Variants in DLL1 observed in about 807,000 individuals in gnomAD.
DLL1 encodes delta like canonical Notch ligand 1.
A neutral mutation model predicts 75.1 loss-of-function variants in DLL1; 9 were observed. The ratio of observed to expected loss-of-function variants is 0.12; its 90% CI spans 0.07 to 0.21. DLL1 has a LOEUF of 0.21. DLL1 is among the 10% of genes least tolerant of loss of function. DLL1 has a pLI of 1.00. For synonymous variants in DLL1, 477 were observed against 418.3 expected (o/e 1.14, Z -1.71); for missense variants, 837 against 1,007.6 (o/e 0.83, Z 2.29).
intron 5 of DLL1, 103 bp downstream of exon 5, chr6:170,286,135 A>G: frequency 1.4e-6 from 2 of 1,399,678 alleles, no homozygotes; most frequent in Non-Finnish European, 2.0e-6. Flanking sequence ...ATCTTACTGG[A>G]GTTTTTCGAA....
Position 170,289,590 on chromosome 6 carries a change from G to A in DLL1, c.273C>T (p.Ser91=). ...SAVTPVLGVD[S]FSLPDGGGAD... is the part of the protein sequence containing the mutation. Reference sequence around the variant, plus strand: ...CGCCCCCGCCGTCGGGCAGACTGAAGGAGTCGACGCCCAGCACGGGGGTGA... The same window carrying A: ...CGCCCCCGCCGTCGGGCAGACTGAAAGAGTCGACGCCCAGCACGGGGGTGA... Residue 91 remains serine, a synonymous_variant, in exon 2 of 11, where the codon TCC becomes TCT. Transcript: ENST00000366756. 2 of 1,535,728 alleles carry A rather than the reference G, an allele frequency of 1.3e-6. No homozygotes were observed. The highest frequency in any genetic ancestry group is 1.2e-5 in the South Asian group (1 of 84,038).
intron 4 of DLL1, 22 bp from the exon 5 acceptor site, chr6:170,286,320 G>A: frequency 6.2e-7 from 1 of 1,614,124 alleles, no homozygotes; most frequent in Admixed American, 1.7e-5. Flanking sequence ...GGAAAAACAG[G>A]GTCAAGCCCC....
chr6:170,288,887 G>T lies in DLL1; in HGVS notation c.352-98C>A. On this transcript the variant is annotated intron_variant, in intron 2 of 10. Transcript: ENST00000366756. Reference sequence around the variant, plus strand: ...CCTAACAGCCAGGTCAGCAACAGAGGCCTGAAGGCTGCAGGTCTGGGGCAG... The same window carrying T: ...CCTAACAGCCAGGTCAGCAACAGAGTCCTGAAGGCTGCAGGTCTGGGGCAG... 5.9e-6 allele frequency: 8 copies of T among 1,358,356 alleles called. No individual in the cohort carries two copies. In the South Asian group the frequency reaches 7.0e-5, roughly 12 times the overall value. 84.1% of individuals were successfully genotyped at this position (1,358,356 alleles called of 1,614,324 possible).
chr6:170,284,059 T>A (rs1192165343), intron 8 of DLL1, 30 bp from the exon 9 acceptor site: 12 of 1,542,308 alleles, frequency 7.8e-6, no homozygotes, highest in Non-Finnish European at 8.7e-6. Context: ...ACATCACGTG[T>A]CTCCTCGTAG....
At position 170,283,709 on chromosome 6, in the gene DLL1, G is replaced by T. The variant is rs553876460; in HGVS notation, c.1570C>A (p.Pro524Thr). The change falls in exon 9 of 11, where the codon CCC becomes ACC. Residue 524 changes from proline to threonine, a missense_variant. This residue lies in a region of DLL1 where 533 missense variants were observed against 545.7 expected (regional missense o/e 0.98). Transcript: ENST00000366756. ...PNCQFLLPEL[P>T]PGPAVVDLTE... Reference sequence around the variant, plus strand: ...AGGTCCACCACCGCTGGGCCCGGGGGCAGCTCGGGGAGCAGGAACTGGCAG... The same window carrying T: ...AGGTCCACCACCGCTGGGCCCGGGGTCAGCTCGGGGAGCAGGAACTGGCAG... The T allele has an allele frequency of 6.4e-7, 1 of 1,551,618 alleles. No homozygotes were observed. Among genetic ancestry groups the T allele is most frequent in the Non-Finnish European group, 8.7e-7 (1 of 1,148,248 alleles).
Position 170,283,015 on chromosome 6 carries a change from C to T in DLL1, c.2139G>A (p.Glu713=). 1 of 1,614,166 alleles carries T rather than the reference C, an allele frequency of 6.2e-7. No individual in the cohort carries two copies. The highest frequency in any genetic ancestry group is 8.5e-7 in the Non-Finnish European group (1 of 1,180,040). The change falls in exon 10 of 11, where the codon GAG becomes GAA. Residue 713 remains glutamate, a synonymous_variant. Transcript: ENST00000366756. ...CAGTTGCTATGACGCACTCATCCTT[C>T]TCCTCGGATATGACGTACACCGACT... ...KYQSVYVISE[E]KDECVIATEV
chr6:170,283,840 G>A lies in DLL1; in HGVS notation c.1439C>T (p.Ala480Val). ...TGCGTGCTCGCACCTGCTGACGGGG[G>A]CACTGCAGTTCCTGCCCGTGTAGCC... The part of the protein sequence containing the change: ...PPGYTGRNCS[A>V]PVSRCEHAPC... The change falls in exon 9 of 11, where the codon GCC becomes GTC. Residue 480 changes from alanine to valine, a missense_variant. This residue lies in a region of DLL1 where 533 missense variants were observed against 545.7 expected (regional missense o/e 0.98). Transcript: ENST00000366756. 2.5e-6 allele frequency: 4 copies of A among 1,603,804 alleles called. No individual in the cohort carries two copies. The highest frequency in any genetic ancestry group is 1.7e-5 in the Admixed American group (1 of 59,700).
At position 170,285,420 on chromosome 6, in the gene DLL1, A is replaced by G; in HGVS notation, c.866T>C (p.Leu289Pro). Residue 289 changes from leucine (L) to proline (P), a missense_variant, in exon 7 of 11, where the codon CTG becomes CCG. Around this residue, in one of 2 missense-constraint regions of DLL1, gnomAD observed 304 missense variants for 461.9 expected, o/e 0.66. Transcript: ENST00000366756. ...GGGCTTATGGTGTGTGCAGTAGTTCAGGTCTGTGAAGGGTGGGGACAGGAA... is the reference window on the plus strand; with the variant it reads ...GGGCTTATGGTGTGTGCAGTAGTTCGGGTCTGTGAAGGGTGGGGACAGGAA... Reference protein sequence around the residue: ...GWGGLFCNQDLNYCTHHKPCK... With the variant: ...GWGGLFCNQDPNYCTHHKPCK... 1 of 1,614,202 alleles carries G rather than the reference A, an allele frequency of 6.2e-7. No individual in the cohort carries two copies. Among genetic ancestry groups the G allele is most frequent in the Non-Finnish European group, 8.5e-7 (1 of 1,180,032 alleles).
rs1027222887 is a variant in DLL1, at chr6:170,289,995, C to T, written c.54+91G>A. ...GGGCCGTGGCTGGCGCGGCCCGTGC[C>T]GCTGTCCGCCCCTCCCCGCGCGCTC... On this transcript the variant is annotated intron_variant, in intron 1 of 10. Transcript: ENST00000366756. The T allele has an allele frequency of 2.2e-6, 3 of 1,350,086 alleles. No individual in the cohort carries two copies. The African/African-American group carries it at 4.7e-5, about 21-fold the overall frequency. 83.6% of individuals were successfully genotyped at this position (1,350,086 alleles called of 1,614,324 possible).
chr6:170,288,450 C>A lies in DLL1; in HGVS notation c.459G>T (p.Leu153=), dbSNP rs752040151. Reference sequence around the variant, plus strand: ...CCTGGGACCACTCCTCGCCCACCGTCAGGTGCCTCTGGGTGGCCAGGCGGC... The same window carrying A: ...CCTGGGACCACTCCTCGCCCACCGTAAGGTGCCTCTGGGTGGCCAGGCGGC... ...LISRLATQRH[L]TVGEEWSQDL... is the part of the protein sequence containing the mutation. The change falls in exon 4 of 11, where the codon CTG becomes CTT. Residue 153 remains leucine, a synonymous_variant. Coordinates refer to ENST00000366756, the MANE Select transcript of DLL1 (RefSeq NM_005618.4). 2 of 1,614,118 alleles carry A rather than the reference C, an allele frequency of 1.2e-6. No individual in the cohort carries two copies. Among genetic ancestry groups the A allele is most frequent in the Non-Finnish European group, 1.7e-6 (2 of 1,180,052 alleles).
rs772354619 is a variant in DLL1 at position 170,289,344 on chromosome 6, G to C, written c.351+168C>G. On this transcript the variant is annotated intron_variant, in intron 2 of 10. Transcript: ENST00000366756. ...CGGGGCCCCGGGGCGAGGTGTCCGCGCTGCTGGGCTGGAGTCCTGGGGCCG... is the reference window on the plus strand; with the variant it reads ...CGGGGCCCCGGGGCGAGGTGTCCGCCCTGCTGGGCTGGAGTCCTGGGGCCG... 1.9e-5 allele frequency: 22 copies of C among 1,143,850 alleles called. No homozygotes were observed. The South Asian group carries it at 3.1e-4, about 16-fold the overall frequency. 70.9% of individuals were successfully genotyped at this position (1,143,850 alleles called of 1,614,324 possible). A position where few individuals can be genotyped will look rare whatever the true frequency, so the allele number is the denominator to read the frequency against.
At chr6:170,286,092 A>G (rs1231397824) in intron 5 of DLL1, 146 bp downstream of exon 5, 47 of 946,978 alleles carry the variant, frequency 5.0e-5, no homozygotes, top group South Asian at 1.4e-5. Context: ...TTGATTAAGT[A>G]GAAACATGAG....
At position 170,282,600 on chromosome 6, in the gene DLL1, T is replaced by G. The variant is rs1157261864; in HGVS notation, c.*274A>C. On this transcript the variant is annotated 3_prime_UTR_variant, in exon 11 of 11. Coordinates refer to ENST00000366756, the MANE Select transcript of DLL1 (RefSeq NM_005618.4). ...GGCAGTGCATGCTTCTTATGCGTAA[T>G]TCAGTTCACCCATTTAAATATATAT... The G allele has an allele frequency of 1.7e-6, 1 of 595,878 alleles. No individual in the cohort carries two copies. Among genetic ancestry groups the G allele is most frequent in the African/African-American group, 1.9e-5 (1 of 53,762 alleles). The allele number at this position is 595,878 out of a possible 1,614,324, so 36.9% of individuals were successfully genotyped here. A position where few individuals can be genotyped will look rare whatever the true frequency, so the allele number is the denominator to read the frequency against.
At position 170,284,885 on chromosome 6, in the gene DLL1, C is replaced by T. The variant is rs200630821; in HGVS notation, c.1249+34G>A. ...GCCACCTCAGTATTGACCGCTCGCC[C>T]GAGTCTCTGAGCAATCACCAGCTGC... On this transcript the variant is annotated intron_variant, in intron 8 of 10. Coordinates refer to ENST00000366756, the MANE Select transcript of DLL1 (RefSeq NM_005618.4). 29 of 1,605,286 alleles carry T rather than the reference C, an allele frequency of 1.8e-5. No individual in the cohort carries two copies. The Middle Eastern group carries it at 5.9e-4, about 33-fold the overall frequency.
chr6:170,290,143 G>A lies in DLL1; in HGVS notation c.-4C>T, dbSNP rs1275050695. 1.3e-6 allele frequency: 2 copies of A among 1,593,432 alleles called. No homozygotes were observed. The highest frequency in any genetic ancestry group is 1.7e-6 in the Non-Finnish European group (2 of 1,177,728). The stretch of plus-strand genomic sequence containing the variant: ...CCAGCGCGCACCGACTGCCCATGCT[G>A]CTTCGCTCCACGCGCGAGCCTGGGG... On this transcript the variant is annotated 5_prime_UTR_variant, in exon 1 of 11. Transcript: ENST00000366756. This position sits in a 1 kb window ranked among gnomAD's most constrained non-coding sequence, Gnocchi z 4.7.
chr6:170,283,423 G>A lies in DLL1; in HGVS notation c.1856C>T (p.Ala619Val), dbSNP rs147352089. 224 of 1,611,208 alleles carry A rather than the reference G, an allele frequency of 1.4e-4. 1 individual carries two copies. Among genetic ancestry groups the A allele is most frequent in the African/African-American group, 1.3e-3 (94 of 75,064 alleles). The change falls in exon 9 of 11, where the codon GCG becomes GTG. Residue 619 changes from alanine to valine, a missense_variant. Ala to Val is a moderately conservative substitution (Grantham distance 64, BLOSUM62 0). Around this residue, in one of 2 missense-constraint regions of DLL1, gnomAD observed 533 missense variants for 545.7 expected, o/e 0.98. Coordinates refer to ENST00000366756, the MANE Select transcript of DLL1 (RefSeq NM_005618.4). ...ATQIKNTNKK[A>V]DFHGDHSADK... ...GGCGCTGTGGTCCCCGTGGAAGTCC[G>A]CCTTCTTGTTGGTGTTCTTGATCTG... is the stretch of plus-strand genomic sequence containing the variant.
At position 170,285,559 on chromosome 6, in the gene DLL1, G is replaced by C. The variant is rs372018190; in HGVS notation, c.862+10C>G. ...GAGGGAGCAGGCTGCCTCAGGGAGA[G>C]AAGGCTTACCCTGGTTGCAGAAAAG... On this transcript the variant is annotated intron_variant, in intron 6 of 10. Transcript: ENST00000366756. The C allele has an allele frequency of 1.2e-6, 2 of 1,614,178 alleles. No homozygotes were observed. The highest frequency in any genetic ancestry group is 1.7e-6 in the Non-Finnish European group (2 of 1,180,030).
Position 170,288,759 on chromosome 6 carries a change from G to A in DLL1, c.382C>T (p.His128Tyr). The A allele has an allele frequency of 6.2e-7, 1 of 1,614,206 alleles. No individual in the cohort carries two copies. The highest frequency in any genetic ancestry group is 1.1e-5 in the South Asian group (1 of 91,078). Reference sequence around the variant, plus strand: ...GCGAGGTCATCAGGAGAATCTGTGTGGAGAGCTTCAATAATCAGAGAGAAG... The same window carrying A: ...GCGAGGTCATCAGGAGAATCTGTGTAGAGAGCTTCAATAATCAGAGAGAAG... Reference protein sequence around the residue: ...GTFSLIIEALHTDSPDDLATE... With the variant: ...GTFSLIIEALYTDSPDDLATE... The change falls in exon 3 of 11, where the codon CAC becomes TAC. Residue 128 changes from histidine to tyrosine, a missense_variant. Physicochemically the swap from His to Tyr is moderately conservative, Grantham distance 83. Around this residue, in one of 2 missense-constraint regions of DLL1, gnomAD observed 304 missense variants for 461.9 expected, o/e 0.66. Coordinates refer to ENST00000366756, the MANE Select transcript of DLL1 (RefSeq NM_005618.4).
In DLL1 at chr6:170,285,681, C is replaced by T. The variant is rs371974965; in HGVS notation, c.750G>A (p.Gln250=). 29 of 1,614,052 alleles carry T rather than the reference C, an allele frequency of 1.8e-5. No individual in the cohort carries two copies. In the African/African-American group the frequency reaches 3.3e-4, roughly 19 times the overall value. ...PGECKCRVGW[Q]GRYCDECIRY... ...GGATACACTCGTCACAGTACCGGCC[C>T]TGCCAGCCCACTCTGCACCTTGGAG... is the stretch of plus-strand genomic sequence containing the variant. The change falls in exon 6 of 11, where the codon CAG becomes CAA. Residue 250 remains glutamine (Q), a synonymous_variant. Coordinates refer to ENST00000366756, the MANE Select transcript of DLL1 (RefSeq NM_005618.4).
Sources: allele counts gnomAD v4.1 joint callset, GRCh38; gene constraint gnomAD v4.1.1; regional missense constraint gnomAD v4.1.1; non-coding constraint Gnocchi (gnomAD v3.1); transcripts MANE v1.5; gene names NCBI Gene and HGNC (gene_info 2026-07-23, HGNC 2026-07-21).